The following CTNNA3 variants were observed in gnomAD, a reference collection of about 807,000 sequenced individuals.
CTNNA3 encodes the protein catenin alpha-3.
A neutral mutation model predicts 95.7 loss-of-function variants in CTNNA3; 76 were observed. The observed-to-expected ratio is 0.79, with a 90% CI of 0.66 to 0.96. CTNNA3 has a LOEUF of 0.96. Ranked by LOEUF, CTNNA3 falls within the 40% of genes least tolerant of loss-of-function variation. The pLI, the probability that CTNNA3 is intolerant of heterozygous loss-of-function variation, is 0.00. For synonymous variants in CTNNA3, 431 were observed against 374.4 expected, an observed-to-expected ratio of 1.15 and a Z score of -1.74; for missense variants, 1,191 against 1,089.8, an observed-to-expected ratio of 1.09 and a Z score of -1.31.
At chr10:66,385,580 A>C (rs1386733813) in intron 11 of CTNNA3, among the ~76,000 whole-genome samples, 1 of 152,226 alleles carries the variant, frequency 6.6e-6, no homozygotes. Flanking sequence ...ATTCCTCCCT[A>C]ACTCATTTTA....
chr10:66,241,689 A>C (rs1018495052), intron 13 of CTNNA3, among the ~76,000 whole-genome samples: 1 of 139,486 alleles, frequency 7.2e-6, no homozygotes, highest in Non-Finnish European at 1.5e-5. Context: ...TGATATGGCT[A>C]TAGAAAGAAA....
intron 5 of CTNNA3, among the ~76,000 whole-genome samples, chr10:67,220,742 G>A (rs1589881668): frequency 6.6e-6 from 1 of 152,150 alleles, no homozygotes; most frequent in East Asian, 1.9e-4. Flanking sequence ...AGTGATAGGC[G>A]ATCAGAACTA....
rs180948103 is a variant in CTNNA3 at position 67,731,272 on chromosome 10, C to T, written c.-2+32162G>A. ...GTGGCTCACACCTCTAATCCCAGCA[C>T]TTTGGGAGACTGAGGCAGAAGGATC... On this transcript the variant is annotated intron_variant, in intron 1 of 17. Transcript: ENST00000684154. Among the ~76,000 whole-genome samples the T allele has an allele frequency of 5.1e-3, 772 of 152,248 alleles. 11 individuals are homozygous for T. Among genetic ancestry groups the T allele is most frequent in the African/African-American group, 0.018 (732 of 41,542 alleles).
chr10:66,326,539 G>A (rs1334567015), intron 12 of CTNNA3, among the ~76,000 whole-genome samples: 1 of 151,998 alleles, frequency 6.6e-6, no homozygotes, highest in Non-Finnish European at 1.5e-5. Flanking sequence ...TATATAAAAT[G>A]CTGCATAAGT....
intron 7 of CTNNA3, among the ~76,000 whole-genome samples, chr10:66,991,930 T>C (rs1277421425): frequency 1.3e-5 from 2 of 152,180 alleles, no homozygotes; most frequent in African/African-American, 4.8e-5. Flanking sequence ...CTGTTGGCCA[T>C]TAACCTTCAT....
At chr10:66,512,034 C>A (rs1840680639) in intron 11 of CTNNA3, among the ~76,000 whole-genome samples, 1 of 151,712 alleles carries the variant, frequency 6.6e-6, no homozygotes, top group African/African-American at 2.4e-5. Flanking sequence ...TAATATTTGC[C>A]CTATATATCT....
At chr10:67,027,711 G>A (rs1238051373) in intron 7 of CTNNA3, among the ~76,000 whole-genome samples, 1 of 152,094 alleles carries the variant, frequency 6.6e-6, no homozygotes, top group African/African-American at 2.4e-5. Context: ...TTACAGGCAT[G>A]AGCCACCGTG....
chr10:66,485,317 C>T (rs191417200), intron 11 of CTNNA3, among the ~76,000 whole-genome samples: 195 of 152,118 alleles, frequency 1.3e-3, no homozygotes, highest in African/African-American at 4.5e-3. Flanking sequence ...ATAGATAACA[C>T]GATTTTATAT....
chr10:66,903,293 T>G (rs1479711034), intron 7 of CTNNA3, among the ~76,000 whole-genome samples: 1 of 152,124 alleles, frequency 6.6e-6, no homozygotes, highest in Non-Finnish European at 1.5e-5. Flanking sequence ...ATTATCTGAA[T>G]AGATGCAGAA....
At chr10:66,163,970 G>C (rs972928878) in intron 13 of CTNNA3, among the ~76,000 whole-genome samples, 2 of 152,104 alleles carry the variant, frequency 1.3e-5, no homozygotes, top group Admixed American at 6.5e-5. Context: ...GTACATATTT[G>C]AGTAACATTG....
chr10:66,706,781 C>A (rs1373450791), intron 9 of CTNNA3, among the ~76,000 whole-genome samples: 1 of 151,852 alleles, frequency 6.6e-6, no homozygotes, highest in African/African-American at 2.4e-5. Flanking sequence ...GGGGTCACAA[C>A]AGCTTAAATA....
chr10:66,951,414 C>A (rs1347555610), intron 7 of CTNNA3, among the ~76,000 whole-genome samples: 1 of 152,102 alleles, frequency 6.6e-6, no homozygotes, highest in Non-Finnish European at 1.5e-5. Context: ...CCATGCCCAG[C>A]CCAACACCAT....
chr10:65,999,092 AT>A (rs1405552094), intron 15 of CTNNA3, among the ~76,000 whole-genome samples: 1 of 152,174 alleles, frequency 6.6e-6, no homozygotes, highest in African/African-American at 2.4e-5. Context: ...TAATAAAAAA[AT>A]CAACATTAAT....
intron 11 of CTNNA3, among the ~76,000 whole-genome samples, chr10:66,389,211 A>AT (rs1564920482): frequency 5.7e-4 from 86 of 150,148 alleles, no homozygotes; most frequent in African/African-American, 2.1e-3. Flanking sequence ...TCTCCTCAAA[A>AT]ATTTTTTTTT....
intron 7 of CTNNA3, among the ~76,000 whole-genome samples, chr10:66,802,655 A>G (rs1289499440): frequency 6.6e-6 from 1 of 151,758 alleles, no homozygotes; most frequent in African/African-American, 2.4e-5. Flanking sequence ...ATATTAAAAT[A>G]TATATCAAAA....
At chr10:66,428,642 C>A (rs1589235777) in intron 11 of CTNNA3, among the ~76,000 whole-genome samples, 3 of 139,786 alleles carry the variant, frequency 2.1e-5, no homozygotes, top group African/African-American at 7.9e-5. Context: ...ACAACCTGCT[C>A]CTGAATGACT....
At chr10:67,284,932 C>A (rs1406560411) in intron 5 of CTNNA3, among the ~76,000 whole-genome samples, 1 of 152,074 alleles carries the variant, frequency 6.6e-6, no homozygotes, top group African/African-American at 2.4e-5. Context: ...CTTCAGTCAT[C>A]CCCTCACCCC....
intron 5 of CTNNA3, among the ~76,000 whole-genome samples, chr10:67,422,550 T>C (rs1255902784): frequency 1.3e-5 from 2 of 152,118 alleles, no homozygotes; most frequent in South Asian, 4.1e-4. Context: ...TCAAATCTCA[T>C]GTCAAATTAG....
At chr10:66,955,275 G>T (rs555976120) in intron 7 of CTNNA3, among the ~76,000 whole-genome samples, 3 of 150,920 alleles carry the variant, frequency 2.0e-5, no homozygotes, top group African/African-American at 7.4e-5. Flanking sequence ...GGAAGAAAAA[G>T]ATAACGATTA....
Sources: gnomAD v4.1 joint callset for allele counts (sites outside exome capture counted in the v4.1 genomes callset) on GRCh38, gnomAD v4.1.1 for gene constraint, MANE v1.5 for transcripts, NCBI Gene and HGNC (gene_info 2026-07-23, HGNC 2026-07-21) for gene names.